The following RYR2 variants were observed in gnomAD, a reference collection of about 807,000 sequenced individuals.
RYR2 encodes ryanodine receptor 2.
In RYR2, 227 loss-of-function variants were observed where a neutral mutation model predicts 601.1. That is an observed-to-expected ratio of 0.38 (90% CI 0.34 to 0.42). The LOEUF is 0.42. Among genes scored for constraint, RYR2 ranks in the 10% least tolerant of loss-of-function variants. The probability of loss-of-function intolerance (pLI) is 1.00; values close to 1 mark genes in which losing one functional copy is unlikely to be tolerated. For synonymous variants in RYR2, 2,223 were observed against 2,175.1 expected, an observed-to-expected ratio of 1.02 and a Z score of -0.61; for missense variants, 4,646 against 6,156.5, an observed-to-expected ratio of 0.75 and a Z score of 8.21.
At chr1:237,798,681 A>C (rs1312544340) in intron 97 of RYR2, among the ~76,000 whole-genome samples, 2 of 152,098 alleles carry the variant, frequency 1.3e-5, no homozygotes, top group African/African-American at 4.8e-5. Context: ...CATTACTTGT[A>C]AAGTTTACTT....
intron 24 of RYR2, among the ~76,000 whole-genome samples, chr1:237,521,190 C>G (rs1453017480): frequency 6.6e-6 from 1 of 152,154 alleles, no homozygotes; most frequent in African/African-American, 2.4e-5. Flanking sequence ...GAAATTCTCC[C>G]TAACCGCTCT....
At chr1:237,717,801 T>TCTGCAAGATTTAAGTTCTC (rs1401308785) in intron 72 of RYR2, among the ~76,000 whole-genome samples, 366 of 152,330 alleles carry the variant, frequency 2.4e-3, no homozygotes, top group Non-Finnish European at 4.3e-3. Flanking sequence ...TTTAAGTTCC[T>TCTGCAAGATTTAAGTTCTC]CTGCAAGATT....
At position 237,788,103 on chromosome 1, in the gene RYR2, A is replaced by G; in HGVS notation, c.13444A>G (p.Lys4482Glu). The G allele has an allele frequency of 6.2e-7, 1 of 1,611,828 alleles. No homozygotes were observed. The highest frequency in any genetic ancestry group is 8.5e-7 in the Non-Finnish European group (1 of 1,178,918). ...EPEVPESAFWKKIIAYQQKLL... is the reference protein window; with the variant it reads ...EPEVPESAFWEKIIAYQQKLL... ...AGAAGTGCCAGAGTCAGCATTCTGG[A>G]AGAAAATCATAGCATATCAACAGAA... is the stretch of plus-strand genomic sequence containing the variant. The change falls in exon 92 of 105, where the codon AAG becomes GAG. Residue 4482 changes from lysine to glutamate, a missense_variant. Around this residue, in one of 17 missense-constraint regions of RYR2, gnomAD observed 364 missense variants for 442.9 expected, o/e 0.82. Coordinates refer to ENST00000366574, the MANE Select transcript of RYR2 (RefSeq NM_001035.3).
intron 78 of RYR2, among the ~76,000 whole-genome samples, chr1:237,733,000 T>C (rs1690821967): frequency 6.6e-6 from 1 of 152,208 alleles, no homozygotes; most frequent in Non-Finnish European, 1.5e-5. Flanking sequence ...TAATGTGATC[T>C]ATCCTTTCTC....
intron 84 of RYR2, 44 bp downstream of exon 84, chr1:237,761,072 T>G: frequency 8.9e-7 from 1 of 1,118,962 alleles, no homozygotes; most frequent in Non-Finnish European, 1.3e-6. Context: ...CTCCCTTCCC[T>G]CCCTGAAACG....
At chr1:237,546,129 TA>T (rs911325975) in intron 25 of RYR2, among the ~76,000 whole-genome samples, 4 of 151,876 alleles carry the variant, frequency 2.6e-5, no homozygotes, top group Non-Finnish European at 4.4e-5. Context: ...TAGAAGTTGT[TA>T]AAAAAAATTC....
At chr1:237,565,163 CTTT>C (rs1671874190) in intron 27 of RYR2, among the ~76,000 whole-genome samples, 1 of 83,788 alleles carries the variant, frequency 1.2e-5, no homozygotes. Context: ...CTTTCTCTTT[CTTT>C]CTTTCTTTCT....
intron 1 of RYR2, among the ~76,000 whole-genome samples, chr1:237,141,800 G>A (rs571452995): frequency 6.6e-6 from 1 of 152,150 alleles, no homozygotes; most frequent in Non-Finnish European, 1.5e-5. Flanking sequence ...TCCTCTCCAG[G>A]ATGTTTGGGT....
At chr1:237,498,136 G>A (rs1040619013) in intron 20 of RYR2, among the ~76,000 whole-genome samples, 5 of 152,058 alleles carry the variant, frequency 3.3e-5, no homozygotes, top group African/African-American at 1.2e-4. Context: ...AAAGTGCTGG[G>A]ATTACAAGTG....
At chr1:237,648,382 A>G (rs1012926061) in intron 48 of RYR2, 62 bp from the exon 49 acceptor site, 6 of 1,335,760 alleles carry the variant, frequency 4.5e-6, no homozygotes, top group Non-Finnish European at 5.9e-6. Flanking sequence ...GAAAGCAGCC[A>G]TTTGTAATCT....
chr1:237,697,350 T>C (rs12122373), intron 63 of RYR2, among the ~76,000 whole-genome samples: 7,785 of 142,504 alleles, frequency 0.055, 288 homozygotes, highest in African/African-American at 0.098. Context: ...ATAGTATATA[T>C]ATATAATATA....
intron 3 of RYR2, among the ~76,000 whole-genome samples, chr1:237,338,120 G>A (rs181001522): frequency 1.6e-3 from 250 of 152,214 alleles, no homozygotes; most frequent in Middle Eastern, 3.4e-3. Flanking sequence ...GGATGGTTCC[G>A]GTGTGCCATT....
At chr1:237,688,403 T>A (rs1252694521) in intron 63 of RYR2, among the ~76,000 whole-genome samples, 3 of 151,816 alleles carry the variant, frequency 2.0e-5, no homozygotes, top group Non-Finnish European at 4.4e-5. Flanking sequence ...GGAACGGGTA[T>A]ATATATATAC....
intron 17 of RYR2, among the ~76,000 whole-genome samples, chr1:237,487,388 G>T (rs1267387243): frequency 6.6e-6 from 1 of 151,714 alleles, no homozygotes; most frequent in Non-Finnish European, 1.5e-5. Context: ...TTATACAAAA[G>T]CACATTTGCT....
intron 5 of RYR2, among the ~76,000 whole-genome samples, chr1:237,366,240 A>C (rs1700182808): frequency 6.6e-6 from 1 of 152,172 alleles, no homozygotes; most frequent in Non-Finnish European, 1.5e-5. Context: ...CTGTTCCCTG[A>C]GGAGACTTTC....
intron 44 of RYR2, among the ~76,000 whole-genome samples, chr1:237,636,145 CTT>C (rs1264853777): frequency 1.7e-4 from 25 of 151,420 alleles, no homozygotes; most frequent in Admixed American, 7.2e-4. Flanking sequence ...TTTATAGAAA[CTT>C]ATATTTTAAA....
intron 1 of RYR2, among the ~76,000 whole-genome samples, chr1:237,239,304 AC>A (rs1161721443): frequency 6.6e-6 from 1 of 152,116 alleles, no homozygotes; most frequent in African/African-American, 2.4e-5. Context: ...CAGAGGTTTA[AC>A]AGGCAACAGA....
chr1:237,453,327 T>C (rs1230709457), intron 14 of RYR2, among the ~76,000 whole-genome samples: 2 of 152,152 alleles, frequency 1.3e-5, no homozygotes, highest in African/African-American at 4.8e-5. Flanking sequence ...TACTGTTTGA[T>C]AAAGCTGAAA....
At chr1:237,173,527 T>G (rs192819726) in intron 1 of RYR2, among the ~76,000 whole-genome samples, 8 of 152,256 alleles carry the variant, frequency 5.3e-5, no homozygotes, top group Non-Finnish European at 2.9e-5. Flanking sequence ...TGAGATTGCT[T>G]TGAGAATACA....
Sources: allele counts gnomAD v4.1 joint callset (sites outside exome capture counted in the v4.1 genomes callset), GRCh38; gene constraint gnomAD v4.1.1; regional missense constraint gnomAD v4.1.1; transcripts MANE v1.5; gene names NCBI Gene and HGNC (gene_info 2026-07-23, HGNC 2026-07-21).